COL5A2: variants seen among roughly 807,000 people sequenced by gnomAD.
COL5A2 encodes collagen alpha-2(V) chain.
Under a neutral mutation model 208.2 loss-of-function variants are expected in COL5A2, and 23 were observed. That is an observed-to-expected ratio of 0.11 (90% confidence interval 0.08 to 0.16). The LOEUF (loss-of-function observed/expected upper bound fraction) is 0.16, where lower values mean the gene tolerates loss of function less well. Ranked by LOEUF, COL5A2 falls within the 10% of genes least tolerant of loss-of-function variation. The pLI is 1.00. For missense variants in COL5A2, 1,590 were observed against 1,956.4 expected (o/e 0.81, Z 3.53); for synonymous variants, 625 against 628.5 (o/e 0.99, Z 0.08).
the COL5A2 span, among the ~76,000 whole-genome samples, chr2:189,291,470 G>C: frequency 6.6e-6 from 1 of 151,650 alleles, no homozygotes; most frequent in East Asian, 1.9e-4. Flanking sequence ...TCATTTTTTT[G>C]GTTTTACTCC....
upstream of COL5A2, among the ~76,000 whole-genome samples, chr2:189,227,826 C>G (rs1375942663): frequency 6.6e-6 from 1 of 151,884 alleles, no homozygotes; most frequent in African/African-American, 2.4e-5. Context: ...AATAAAGAAA[C>G]AGAGGACTTG....
At chr2:189,306,871 A>G in the COL5A2 span, among the ~76,000 whole-genome samples, 1 of 152,210 alleles carries the variant, frequency 6.6e-6, no homozygotes, top group African/African-American at 2.4e-5. Context: ...TGAGTGTTTG[A>G]GGGATTGAAT....
chr2:189,311,556 G>A, the COL5A2 span: 1 of 1,258,076 alleles, frequency 7.9e-7, no homozygotes, highest in Admixed American at 2.0e-5. Flanking sequence ...TCCATCTGCT[G>A]GGCGTAGTGG....
At chr2:189,158,287 A>T (rs767401694) in intron 1 of COL5A2, among the ~76,000 whole-genome samples, 2 of 152,008 alleles carry the variant, frequency 1.3e-5, no homozygotes, top group South Asian at 2.1e-4. Context: ...GCAATTCTTT[A>T]CTAAAGCCAC....
intron 31 of COL5A2, 44 bp downstream of exon 31, chr2:189,060,686 C>G: frequency 6.7e-7 from 1 of 1,501,004 alleles, no homozygotes; most frequent in Non-Finnish European, 9.3e-7. Flanking sequence ...GATAATTGAG[C>G]CAGCAATGTA....
At chr2:189,192,109 C>A (rs1688939440) in intron 1 of COL5A2, among the ~76,000 whole-genome samples, 1 of 152,140 alleles carries the variant, frequency 6.6e-6, no homozygotes, top group Non-Finnish European at 1.5e-5. Flanking sequence ...ATCAACACAG[C>A]AGAGAAGTGG....
At chr2:189,244,160 G>T in the COL5A2 span, among the ~76,000 whole-genome samples, 2 of 152,222 alleles carry the variant, frequency 1.3e-5, no homozygotes, top group East Asian at 3.9e-4. Flanking sequence ...TTGTCTTGGG[G>T]ATTATTATTT....
At chr2:189,233,729 G>A in the COL5A2 span, among the ~76,000 whole-genome samples, 1 of 151,664 alleles carries the variant, frequency 6.6e-6, no homozygotes, top group Non-Finnish European at 1.5e-5. Flanking sequence ...AGTAGAAACT[G>A]TACCTCAAAT....
intron 6 of COL5A2, among the ~76,000 whole-genome samples, chr2:189,096,538 C>A (rs184658611): frequency 6.7e-6 from 1 of 148,566 alleles, no homozygotes; most frequent in Non-Finnish European, 1.5e-5. Context: ...AGGAGAATGG[C>A]GTGAACCAGG....
At chr2:189,169,145 T>C (rs1451094415) in intron 1 of COL5A2, among the ~76,000 whole-genome samples, 2 of 152,204 alleles carry the variant, frequency 1.3e-5, no homozygotes, top group Non-Finnish European at 2.9e-5. Context: ...CAAATGCAAC[T>C]CAGAGCAATG....
chr2:189,364,441 CT>C, the COL5A2 span, among the ~76,000 whole-genome samples: 2 of 152,154 alleles, frequency 1.3e-5, no homozygotes, highest in Admixed American at 1.3e-4. Context: ...AATCCCAGCA[CT>C]TTGGGAGACC....
intron 17 of COL5A2, among the ~76,000 whole-genome samples, chr2:189,075,107 C>T (rs1442450811): frequency 6.6e-6 from 1 of 152,154 alleles, no homozygotes; most frequent in Non-Finnish European, 1.5e-5. Flanking sequence ...ATGCTATATT[C>T]TTGCCCATTT....
chr2:189,194,585 G>T (rs1381068187), intron 1 of COL5A2, among the ~76,000 whole-genome samples: 1 of 152,038 alleles, frequency 6.6e-6, no homozygotes. Context: ...AATTAATTTA[G>T]CCACTTCCCA....
the COL5A2 span, among the ~76,000 whole-genome samples, chr2:189,332,544 A>G: frequency 1.3e-5 from 2 of 152,028 alleles, no homozygotes; most frequent in Non-Finnish European, 2.9e-5. Context: ...TGCTGTTCTC[A>G]TAATAGTGAA....
At chr2:189,210,266 T>A (rs1689195312) in intron 1 of COL5A2, among the ~76,000 whole-genome samples, 1 of 152,122 alleles carries the variant, frequency 6.6e-6, no homozygotes, top group Admixed American at 6.5e-5. Context: ...AATGAAATGC[T>A]TTAGTTCCTA....
At chr2:189,107,471 C>A (rs1015310032) in intron 2 of COL5A2, among the ~76,000 whole-genome samples, 5 of 151,144 alleles carry the variant, frequency 3.3e-5, no homozygotes, top group African/African-American at 1.2e-4. Context: ...TTTTATGGGA[C>A]CATGTTTTGG....
At chr2:189,228,437 C>A (rs573900891), upstream of COL5A2, among the ~76,000 whole-genome samples, 1 of 151,290 alleles carries the variant, frequency 6.6e-6, no homozygotes, top group South Asian at 2.1e-4. Context: ...AGAGTGAAGA[C>A]AAAAAAACTA....
intron 1 of COL5A2, among the ~76,000 whole-genome samples, chr2:189,201,288 TAAAA>T: frequency 6.6e-6 from 1 of 152,050 alleles, no homozygotes; most frequent in Middle Eastern, 3.5e-3. Flanking sequence ...AACAAAATAT[TAAAA>T]AGAGGTTTTA....
intron 1 of COL5A2, among the ~76,000 whole-genome samples, chr2:189,193,817 A>G (rs1419094388): frequency 1.3e-5 from 2 of 152,180 alleles, no homozygotes; most frequent in African/African-American, 4.8e-5. Flanking sequence ...ACAAATCTGC[A>G]TAAGGCCAGA....
Sources: allele counts gnomAD v4.1 joint callset (sites outside exome capture counted in the v4.1 genomes callset), GRCh38; gene constraint gnomAD v4.1.1; transcripts MANE v1.5; gene names NCBI Gene and HGNC (gene_info 2026-07-23, HGNC 2026-07-21).